Variants in NUP188 observed in about 807,000 individuals in gnomAD.
NUP188 encodes nucleoporin NUP188.
Under a neutral mutation model 223.0 loss-of-function variants are expected in NUP188, and 97 were observed. That is an observed-to-expected ratio of 0.43 (90% CI 0.37 to 0.51). NUP188 has a LOEUF of 0.51. Among genes scored for constraint, NUP188 ranks in the 20% least tolerant of loss-of-function variants. The pLI is 0.00. For missense variants in NUP188, 1,947 were observed against 2,175.6 expected (o/e 0.89, Z 2.09); for synonymous variants, 869 against 828.0 (o/e 1.05, Z -0.85).
rs1324300884 is a variant in NUP188 at position 128,952,793 on chromosome 9, G to A, written c.108G>A (p.Leu36=). Residue 36 remains leucine, a synonymous_variant, in exon 3 of 44, where the codon CTG becomes CTA. Transcript: ENST00000372577. ...LRELSQIEAE[L]NKHWRRLLEG... is the part of the protein sequence containing the mutation. ...TCCAGAGTCAGATTGAGGCAGAACTGAATAAACATTGGCGGCGATTGTTAG... is the reference window on the plus strand; with the variant it reads ...TCCAGAGTCAGATTGAGGCAGAACTAAATAAACATTGGCGGCGATTGTTAG... The A allele has an allele frequency of 3.1e-6, 5 of 1,613,280 alleles. No individual in the cohort carries two copies. The highest frequency in any genetic ancestry group is 1.7e-5 in the Admixed American group (1 of 59,950).
intron 25 of NUP188, 64 bp downstream of exon 25, chr9:128,990,290 A>G: frequency 2.3e-6 from 3 of 1,308,788 alleles, no homozygotes; most frequent in South Asian, 1.2e-5. Context: ...CCTGATTACA[A>G]AAGACATGCT....
chr9:128,995,565 G>A, intron 30 of NUP188, 51 bp downstream of exon 30: 1 of 1,447,994 alleles, frequency 6.9e-7, no homozygotes, highest in Non-Finnish European at 9.4e-7. Context: ...GCAATGATGT[G>A]TTGACATGAG....
chr9:128,991,790 C>G (rs1167497420), intron 25 of NUP188, among the ~76,000 whole-genome samples: 5 of 149,360 alleles, frequency 3.3e-5, no homozygotes, highest in African/African-American at 1.2e-4. Context: ...TTGCAGTGAG[C>G]CGAGTTCACA....
At chr9:128,982,238 CTGGTCA>C (rs367671052) in intron 15 of NUP188, among the ~76,000 whole-genome samples, 235 of 152,164 alleles carry the variant, frequency 1.5e-3, no homozygotes, top group African/African-American at 5.4e-3. Flanking sequence ...CAAGACCAGC[CTGGTCA>C]ACATGGAAAA....
intron 30 of NUP188, among the ~76,000 whole-genome samples, chr9:128,996,218 T>A (rs1842523558): frequency 6.6e-6 from 1 of 152,024 alleles, no homozygotes. Flanking sequence ...GGTGCGATCT[T>A]GGCTTACTGC....
At chr9:128,998,745 G>C in intron 32 of NUP188, 122 bp downstream of exon 32, 1 of 755,590 alleles carries the variant, frequency 1.3e-6, no homozygotes, top group Non-Finnish European at 2.3e-6. Flanking sequence ...TGAGGAATGG[G>C]AGTGACATAG....
chr9:128,992,452 C>T (rs985001347), intron 25 of NUP188, among the ~76,000 whole-genome samples: 4 of 152,230 alleles, frequency 2.6e-5, no homozygotes, highest in African/African-American at 9.6e-5. Context: ...GCCTCAGCCT[C>T]CCAACATGCT....
intron 16 of NUP188, 58 bp from the exon 17 acceptor site, chr9:128,982,842 CTG>C: frequency 6.2e-7 from 1 of 1,606,012 alleles, no homozygotes; most frequent in Non-Finnish European, 8.5e-7. Context: ...GTCTCAGAGA[CTG>C]TTCAGTGATC....
chr9:129,006,681 C>T lies in NUP188; in HGVS notation c.*3C>T. 1.9e-6 allele frequency: 3 copies of T among 1,609,898 alleles called. No homozygotes were observed. Among genetic ancestry groups the T allele is most frequent in the Non-Finnish European group, 2.5e-6 (3 of 1,178,758 alleles). Reference sequence around the variant, plus strand: ...TTGTCCGGCATATGCAAAGATAGGGCAGTGCTGTTCTGCCCACCTACCCCT... The same window carrying T: ...TTGTCCGGCATATGCAAAGATAGGGTAGTGCTGTTCTGCCCACCTACCCCT... On this transcript the variant is annotated 3_prime_UTR_variant, in exon 44 of 44. Coordinates refer to ENST00000372577, the MANE Select transcript of NUP188 (RefSeq NM_015354.3).
chr9:128,991,119 C>T (rs184759967), intron 25 of NUP188, among the ~76,000 whole-genome samples: 9 of 150,536 alleles, frequency 6.0e-5, no homozygotes, highest in Admixed American at 4.6e-4. Flanking sequence ...CTCCTTATTC[C>T]AAGAATCCCT....
At chr9:128,990,001 C>G in intron 24 of NUP188, 119 bp from the exon 25 acceptor site, 1 of 771,986 alleles carries the variant, frequency 1.3e-6, no homozygotes, top group Non-Finnish European at 2.3e-6. Context: ...TGTGGCCCTC[C>G]AAGTACTTGA....
At chr9:128,967,258 C>T (rs966572550) in intron 8 of NUP188, among the ~76,000 whole-genome samples, 2 of 152,220 alleles carry the variant, frequency 1.3e-5, no homozygotes, top group Non-Finnish European at 2.9e-5. Context: ...AGTCCTCCCA[C>T]TTTGGCCTCC....
At chr9:128,998,695 G>GGGA in intron 32 of NUP188, 72 bp downstream of exon 32, 1 of 1,231,446 alleles carries the variant, frequency 8.1e-7, no homozygotes, top group South Asian at 1.2e-5. Flanking sequence ...CTTCCTGAAA[G>GGGA]GGAGAAATAG....
At chr9:128,963,038 A>G (rs942831774) in intron 8 of NUP188, among the ~76,000 whole-genome samples, 2 of 152,186 alleles carry the variant, frequency 1.3e-5, no homozygotes, top group African/African-American at 4.8e-5. Flanking sequence ...AGATTCATCC[A>G]TGTTATATCA....
intron 8 of NUP188, among the ~76,000 whole-genome samples, chr9:128,961,590 C>CTATCTAGATAGATAGATAGA (rs1554828101): frequency 1.0e-4 from 14 of 138,124 alleles, no homozygotes; most frequent in African/African-American, 3.8e-4. Flanking sequence ...ATCTATCTAT[C>CTATCTAGATAGATAGATAGA]TAGATAGATA....
chr9:128,968,000 G>A (rs929546408), intron 8 of NUP188, among the ~76,000 whole-genome samples: 32 of 152,212 alleles, frequency 2.1e-4, no homozygotes, highest in African/African-American at 7.7e-4. Context: ...AGTGGCTTAC[G>A]CCTTTAATCC....
chr9:128,963,706 A>G (rs566007749), intron 8 of NUP188, among the ~76,000 whole-genome samples: 1 of 149,514 alleles, frequency 6.7e-6, no homozygotes, highest in Non-Finnish European at 1.5e-5. Flanking sequence ...GGGTCTTGCT[A>G]TTTTGCCCAA....
chr9:128,980,713 C>T lies in NUP188; in HGVS notation c.1377C>T (p.Ser459=). Residue 459 remains serine, a synonymous_variant, in exon 14 of 44, where the codon TCC becomes TCT. Transcript: ENST00000372577. ...QLLRALVSGK[S]TAKKVYSFLD... ...TCCGAGCCCTGGTATCAGGGAAGTC[C>T]ACAGCCAAAAAGGTAAGTTGCTTAG... 6.2e-7 allele frequency: 1 copy of T among 1,613,578 alleles called. No homozygotes were observed. The highest frequency in any genetic ancestry group is 8.5e-7 in the Non-Finnish European group (1 of 1,179,828).
At chr9:129,001,363 TAGG>T (rs943231143) in intron 34 of NUP188, among the ~76,000 whole-genome samples, 163 bp from the exon 35 acceptor site, 1 of 152,062 alleles carries the variant, frequency 6.6e-6, no homozygotes, top group African/African-American at 2.4e-5. Flanking sequence ...GAGCTGGACA[TAGG>T]AGAGGGGCAG....
Sources: gnomAD v4.1 joint callset for allele counts (sites outside exome capture counted in the v4.1 genomes callset) on GRCh38, gnomAD v4.1.1 for gene constraint, MANE v1.5 for transcripts, NCBI Gene and HGNC (gene_info 2026-07-23, HGNC 2026-07-21) for gene names.